The following MTFR1 variants were observed in gnomAD, a reference collection of about 807,000 sequenced individuals.
MTFR1 encodes mitochondrial fission regulator 1.
MTFR1 carries 28 observed loss-of-function variants against 38.8 expected under a neutral mutation model. The observed-to-expected ratio is 0.72, with a 90% CI of 0.53 to 0.99. MTFR1 has a LOEUF of 0.99. Ranked by LOEUF, MTFR1 falls within the 50% of genes least tolerant of loss-of-function variation. The pLI, the probability that MTFR1 is intolerant of heterozygous loss-of-function variation, is 0.00. For missense variants in MTFR1, 358 were observed against 395.5 expected, an observed-to-expected ratio of 0.91 and a Z score of 0.81; for synonymous variants, 145 against 137.0, an observed-to-expected ratio of 1.06 and a Z score of -0.41.
intron 3 of MTFR1, among the ~76,000 whole-genome samples, chr8:65,762,381 T>C (rs1304949544): frequency 2.0e-5 from 3 of 152,212 alleles, no homozygotes; most frequent in Non-Finnish European, 4.4e-5. Flanking sequence ...ATCAGCTAGG[T>C]GTCTGCAGCA....
At chr8:65,770,398 G>A (rs1334508194) in intron 3 of MTFR1, among the ~76,000 whole-genome samples, 1 of 152,186 alleles carries the variant, frequency 6.6e-6, no homozygotes. Flanking sequence ...GTGAATGAGA[G>A]CCAAGCAAAA....
upstream of MTFR1, among the ~76,000 whole-genome samples, chr8:65,644,521 A>T (rs1808893195): frequency 6.6e-6 from 1 of 152,252 alleles, no homozygotes; most frequent in African/African-American, 2.4e-5. Context: ...GAAGGCACAA[A>T]GCAAGGTCCG....
intron 2 of MTFR1, among the ~76,000 whole-genome samples, chr8:65,670,241 G>A (rs1420039084): frequency 6.6e-6 from 1 of 152,184 alleles, no homozygotes; most frequent in East Asian, 1.9e-4. Flanking sequence ...CAGTATTCAT[G>A]TGACCATTAA....
chr8:65,689,708 C>A, intron 3 of MTFR1: 2 of 638,154 alleles, frequency 3.1e-6, no homozygotes, highest in Non-Finnish European at 4.4e-6. Flanking sequence ...TTCACCTTGA[C>A]TTGTACTTTA....
intron 3 of MTFR1, chr8:65,728,523 A>C (rs1010622069): frequency 1.3e-5 from 2 of 152,216 alleles, no homozygotes; most frequent in African/African-American, 4.8e-5. Flanking sequence ...GGAGAAGGTC[A>C]ATGAATAGGA....
At position 65,693,725 on chromosome 8, in the gene MTFR1, G is replaced by A; in HGVS notation, c.247G>A (p.Ala83Thr). The change falls in exon 4 of 8, where the codon GCC becomes ACC. Residue 83 changes from alanine to threonine, a missense_variant. Coordinates refer to ENST00000262146, the MANE Select transcript of MTFR1 (RefSeq NM_014637.4). ...VASFADVGWVAKEEGECSARL... is the reference protein window; with the variant it reads ...VASFADVGWVTKEEGECSARL... ...GTCTTTTGCTGATGTTGGATGGGTA[G>A]CCAAAGAAGAAGGAGAGTGTTCAGC... The A allele has an allele frequency of 6.2e-7, 1 of 1,614,122 alleles. No homozygotes were observed. Among genetic ancestry groups the A allele is most frequent in the Admixed American group, 1.7e-5 (1 of 60,020 alleles).
In MTFR1 at chr8:65,707,146, A is replaced by G. The variant is rs1485148625; in HGVS notation, c.654A>G (p.Arg218=). 6.2e-7 allele frequency: 1 copy of G among 1,614,166 alleles called. No individual in the cohort carries two copies. Among genetic ancestry groups the G allele is most frequent in the Non-Finnish European group, 8.5e-7 (1 of 1,180,010 alleles). Residue 218 remains arginine, a synonymous_variant, in exon 6 of 8, where the codon AGA becomes AGG. Transcript: ENST00000262146. ...VDLIKERREK[R]ANAGKTLVKN... ...TGATTAAAGAACGAAGAGAGAAAAG[A>G]GCCAATGCTGGAAAGACTTTGGTTA...
chr8:65,740,505 A>T (rs959295327), intron 3 of MTFR1, among the ~76,000 whole-genome samples: 1 of 151,980 alleles, frequency 6.6e-6, no homozygotes, highest in African/African-American at 2.4e-5. Flanking sequence ...AGTTCAAGCG[A>T]TTCTCCTGCC....
chr8:65,724,710 T>C, intron 3 of MTFR1: 1 of 1,361,312 alleles, frequency 7.3e-7, no homozygotes, highest in South Asian at 1.3e-5. Context: ...CACTAGAATA[T>C]TCATTTTTTA....
downstream of MTFR1, among the ~76,000 whole-genome samples, chr8:65,713,628 T>G (rs929084818): frequency 1.3e-5 from 2 of 152,218 alleles, no homozygotes; most frequent in Non-Finnish European, 2.9e-5. Context: ...AGTAGCATAT[T>G]GAACATTTAA....
intron 1 of MTFR1, among the ~76,000 whole-genome samples, chr8:65,655,862 T>A (rs1809239261): frequency 6.7e-6 from 1 of 148,708 alleles, no homozygotes; most frequent in East Asian, 2.0e-4. Context: ...GGCATGAGAA[T>A]CACTTAAACC....
At chr8:65,708,232 G>A in intron 7 of MTFR1, 2 of 959,890 alleles carry the variant, frequency 2.1e-6, no homozygotes, top group East Asian at 2.9e-5. Context: ...GAAAATAATA[G>A]TTGTTCATTT....
At chr8:65,746,097 ATTT>A (rs374802114) in intron 3 of MTFR1, among the ~76,000 whole-genome samples, 1 of 141,302 alleles carries the variant, frequency 7.1e-6, no homozygotes, top group Middle Eastern at 3.6e-3. Context: ...TACCTGGCTA[ATTT>A]TTTTTTTTTT....
chr8:65,696,315 A>T (rs1805440931), intron 4 of MTFR1, among the ~76,000 whole-genome samples: 2 of 152,176 alleles, frequency 1.3e-5, no homozygotes, highest in Admixed American at 1.3e-4. Flanking sequence ...TAAGATGTTT[A>T]TTTTATTTAA....
chr8:65,735,877 G>A (rs551032129), intron 3 of MTFR1, among the ~76,000 whole-genome samples: 2 of 152,062 alleles, frequency 1.3e-5, no homozygotes, highest in South Asian at 2.1e-4. Flanking sequence ...CACCCACCTC[G>A]GCCTCCCAAA....
chr8:65,708,759 G>A (rs908564061), intron 7 of MTFR1, among the ~76,000 whole-genome samples: 1 of 152,162 alleles, frequency 6.6e-6, no homozygotes, highest in Non-Finnish European at 1.5e-5. Flanking sequence ...TTTTCATTTA[G>A]AGGAAGCAGT....
At chr8:65,750,702 C>G (rs966794737) in intron 3 of MTFR1, among the ~76,000 whole-genome samples, 2 of 152,012 alleles carry the variant, frequency 1.3e-5, no homozygotes, top group African/African-American at 4.8e-5. Flanking sequence ...GAGCCAAGGC[C>G]CCAACCATGA....
intron 2 of MTFR1, among the ~76,000 whole-genome samples, chr8:65,717,183 T>C (rs1459179401): frequency 6.6e-6 from 1 of 152,232 alleles, no homozygotes; most frequent in Non-Finnish European, 1.5e-5. Context: ...ATTCTGTTTC[T>C]ATTGGACATC....
intron 1 of MTFR1, among the ~76,000 whole-genome samples, chr8:65,661,958 C>T (rs1036958386): frequency 6.6e-6 from 1 of 151,514 alleles, no homozygotes; most frequent in Non-Finnish European, 1.5e-5. Context: ...AGCAAGAGTC[C>T]GTCTCAAAAC....
Sources: allele counts gnomAD v4.1 joint callset (sites outside exome capture counted in the v4.1 genomes callset), GRCh38; gene constraint gnomAD v4.1.1; transcripts MANE v1.5; gene names NCBI Gene and HGNC (gene_info 2026-07-23, HGNC 2026-07-21).